Variants in UBR1 observed in about 807,000 individuals in gnomAD.
UBR1 encodes ubiquitin protein ligase E3 component n-recognin 1.
In UBR1, 102 loss-of-function variants were observed where a neutral mutation model predicts 242.1. The observed-to-expected ratio is 0.42, with a 90% CI of 0.36 to 0.50. The LOEUF is 0.50. UBR1 is among the 20% of genes least tolerant of loss of function. UBR1 has a pLI of 0.01. For missense variants in UBR1, 1,772 were observed against 2,101.8 expected (o/e 0.84, Z 3.07); for synonymous variants, 675 against 684.8 (o/e 0.99, Z 0.22).
At chr15:43,067,038 T>C (rs890500049) in intron 6 of UBR1, among the ~76,000 whole-genome samples, 2 of 152,188 alleles carry the variant, frequency 1.3e-5, no homozygotes, top group Non-Finnish European at 2.9e-5. Flanking sequence ...GCCAAGATAT[T>C]GATCCTCTTA....
intron 2 of UBR1, among the ~76,000 whole-genome samples, chr15:43,085,738 G>A (rs893627354): frequency 6.7e-6 from 1 of 148,632 alleles, no homozygotes; most frequent in Non-Finnish European, 1.5e-5. Flanking sequence ...ATGAAAATTA[G>A]CCAGGCATGG....
At chr15:43,095,899 A>G (rs1334654828) in intron 1 of UBR1, among the ~76,000 whole-genome samples, 2 of 152,258 alleles carry the variant, frequency 1.3e-5, no homozygotes, top group Non-Finnish European at 2.9e-5. Context: ...TAAGACTACC[A>G]CAATAGAGTG....
chr15:42,974,436 A>C (rs1011904402), intron 39 of UBR1, among the ~76,000 whole-genome samples: 5 of 152,222 alleles, frequency 3.3e-5, no homozygotes, highest in Admixed American at 1.3e-4. Flanking sequence ...TATTTGTCTA[A>C]TCTTTTGCCA....
At chr15:43,100,908 A>G (rs1205030870) in intron 1 of UBR1, among the ~76,000 whole-genome samples, 1 of 152,278 alleles carries the variant, frequency 6.6e-6, no homozygotes, top group African/African-American at 2.4e-5. Flanking sequence ...CTCTGGAGGA[A>G]GAAACAGACA....
rs1485785836 is a variant in UBR1, at chr15:42,988,949, G to A, written c.3867C>T (p.Ser1289=). Residue 1289 remains serine (S), a synonymous_variant, in exon 35 of 47, where the codon AGC becomes AGT. Transcript: ENST00000290650. ...GVESSIKYSN[S]IKEMVILFAT... ...CAAAGAGAATAACCATTTCCTTGATGCTATTTGAATATTTAATCCTATAAA... is the reference window on the plus strand; with the variant it reads ...CAAAGAGAATAACCATTTCCTTGATACTATTTGAATATTTAATCCTATAAA... The A allele has an allele frequency of 6.2e-7, 1 of 1,603,236 alleles. No individual in the cohort carries two copies. Among genetic ancestry groups the A allele is most frequent in the East Asian group, 2.2e-5 (1 of 44,794 alleles).
In UBR1 at chr15:42,943,275, C is replaced by T. The variant is rs756987963; in HGVS notation, c.*2054G>A. 3 of 152,662 alleles carry T rather than the reference C, an allele frequency of 2.0e-5. No individual in the cohort carries two copies. The highest frequency in any genetic ancestry group is 2.9e-5 in the Non-Finnish European group (2 of 68,048). The allele number at this position is 152,662 out of a possible 1,614,324, so 9.5% of individuals were successfully genotyped here. Reference sequence around the variant, plus strand: ...AGCCATCCTGTTGAACCAGTGCCTTCACATACTACACTAAAGAAAATAAAG... The same window carrying T: ...AGCCATCCTGTTGAACCAGTGCCTTTACATACTACACTAAAGAAAATAAAG... On this transcript the variant is annotated 3_prime_UTR_variant, in exon 47 of 47. Transcript: ENST00000290650.
chr15:42,991,729 C>A, intron 33 of UBR1, among the ~76,000 whole-genome samples: 1 of 151,910 alleles, frequency 6.6e-6, no homozygotes, highest in Non-Finnish European at 1.5e-5. Context: ...CACTTTACCT[C>A]ATCTCCAGTC....
intron 30 of UBR1, among the ~76,000 whole-genome samples, chr15:43,004,990 G>T (rs958762142): frequency 1.3e-5 from 2 of 148,338 alleles, no homozygotes; most frequent in Admixed American, 1.3e-4. Flanking sequence ...CTGCCACGCC[G>T]CCCCATCTGG....
rs749922828 is a variant in UBR1 at position 43,060,035 on chromosome 15, C to G, written c.861+17G>C. 1.9e-5 allele frequency: 31 copies of G among 1,613,422 alleles called. No homozygotes were observed. The highest frequency in any genetic ancestry group is 2.5e-6 in the Non-Finnish European group (3 of 1,179,480). On this transcript the variant is annotated intron_variant, in intron 7 of 46. Transcript: ENST00000290650. ...TCATCTTTAACTTCTCTTTTTCCCC[C>G]TAATTCAGAAAGTTACCTTTATATC... is the stretch of plus-strand genomic sequence containing the variant.
Position 42,943,268 on chromosome 15 carries a change from G to T in UBR1, c.*2061C>A, listed in dbSNP as rs1010745758. The T allele has an allele frequency of 3.3e-5, 5 of 152,610 alleles. No homozygotes were observed. The highest frequency in any genetic ancestry group is 1.2e-4 in the African/African-American group (5 of 41,436). The allele number at this position is 152,610 out of a possible 1,614,324, so 9.5% of individuals were successfully genotyped here. A position where few individuals can be genotyped will look rare whatever the true frequency, so the allele number is the denominator to read the frequency against. On this transcript the variant is annotated 3_prime_UTR_variant, in exon 47 of 47. Transcript: ENST00000290650. ...GTTCTGGAGCCATCCTGTTGAACCA[G>T]TGCCTTCACATACTACACTAAAGAA...
intron 14 of UBR1, among the ~76,000 whole-genome samples, chr15:43,044,770 C>G (rs1247369628): frequency 6.6e-6 from 1 of 152,150 alleles, no homozygotes; most frequent in Non-Finnish European, 1.5e-5. Context: ...TGGTGCACAC[C>G]TGTAGTCCCA....
At chr15:43,084,600 C>T (rs887435178) in intron 2 of UBR1, among the ~76,000 whole-genome samples, 1 of 152,114 alleles carries the variant, frequency 6.6e-6, no homozygotes, top group Non-Finnish European at 1.5e-5. Context: ...GGATCACAGG[C>T]GCCCACCACC....
chr15:42,970,148 A>G (rs1280846656), intron 40 of UBR1, among the ~76,000 whole-genome samples: 1 of 152,236 alleles, frequency 6.6e-6, no homozygotes, highest in African/African-American at 2.4e-5. Context: ...AAACAGATAT[A>G]TAGACCAATG....
At chr15:42,989,974 C>G in intron 34 of UBR1, 56 bp downstream of exon 34, 1 of 1,278,574 alleles carries the variant, frequency 7.8e-7, no homozygotes, top group Non-Finnish European at 1.1e-6. Flanking sequence ...TACACTGTTT[C>G]CTACTCTTAT....
At chr15:42,949,144 T>C (rs1409041587) in intron 46 of UBR1, among the ~76,000 whole-genome samples, 1 of 151,194 alleles carries the variant, frequency 6.6e-6, no homozygotes, top group Non-Finnish European at 1.5e-5. Flanking sequence ...ATGGATGAAA[T>C]TGGAAATCAT....
intron 41 of UBR1, 52 bp from the exon 42 acceptor site, chr15:42,964,095 A>G: frequency 8.2e-7 from 1 of 1,222,810 alleles, no homozygotes; most frequent in Non-Finnish European, 1.2e-6. Context: ...TACCTGGTCA[A>G]TCTGTGCATT....
intron 42 of UBR1, among the ~76,000 whole-genome samples, chr15:42,962,216 AAG>A (rs1429785250): frequency 6.6e-6 from 1 of 152,180 alleles, no homozygotes; most frequent in Non-Finnish European, 1.5e-5. Flanking sequence ...GTATTTAAAC[AAG>A]AGAGAATTTA....
intron 1 of UBR1, among the ~76,000 whole-genome samples, chr15:43,104,115 T>C (rs757523124): frequency 2.0e-5 from 3 of 152,200 alleles, no homozygotes; most frequent in Admixed American, 6.5e-5. Context: ...CTTGAGGCTA[T>C]ATTACACAAT....
At chr15:43,005,659 T>C (rs9796571) in intron 30 of UBR1, among the ~76,000 whole-genome samples, 121,590 of 152,086 alleles carry the variant, frequency 0.8, 49,704 homozygotes, top group Non-Finnish European at 0.89. Flanking sequence ...AAGGGGGAAA[T>C]GTGGGGAAAT....
Sources: gnomAD v4.1 joint callset for allele counts (sites outside exome capture counted in the v4.1 genomes callset) on GRCh38, gnomAD v4.1.1 for gene constraint, MANE v1.5 for transcripts, NCBI Gene and HGNC (gene_info 2026-07-23, HGNC 2026-07-21) for gene names.